ACOT7: variants seen among roughly 807,000 people sequenced by gnomAD.
ACOT7 encodes cytosolic acyl coenzyme A thioester hydrolase.
A neutral mutation model predicts 40.2 loss-of-function variants in ACOT7; 12 were observed. That is an observed-to-expected ratio of 0.30 (90% CI 0.19 to 0.48). ACOT7 has a LOEUF of 0.48. Among genes scored for constraint, ACOT7 ranks in the 20% least tolerant of loss-of-function variants. ACOT7 has a pLI of 0.99. For missense variants in ACOT7, 395 were observed against 530.8 expected (o/e 0.74, Z 2.51); for synonymous variants, 228 against 219.5 (o/e 1.04, Z -0.34).
intron 1 of ACOT7, chr1:6,385,764 G>A (rs1642428069): frequency 2.0e-6 from 3 of 1,477,044 alleles, no homozygotes; most frequent in African/African-American, 1.4e-5. Context: ...GTGAGCCGGT[G>A]TGATCCCTCC....
At chr1:6,357,461 A>G (rs1361830359) in intron 1 of ACOT7, among the ~76,000 whole-genome samples, 1 of 152,196 alleles carries the variant, frequency 6.6e-6, no homozygotes, top group Non-Finnish European at 1.5e-5. Flanking sequence ...GCCTCAAACC[A>G]GAGGTCAAGC....
chr1:6,377,847 G>A (rs1410948338), intron 1 of ACOT7, among the ~76,000 whole-genome samples: 1 of 152,168 alleles, frequency 6.6e-6, no homozygotes, highest in East Asian at 1.9e-4. Flanking sequence ...TAGGCGGACG[G>A]ATCACAAGGT....
Position 6,359,014 on chromosome 1 carries a change from GC to G in ACOT7, c.144-9149del. 3 of 1,161,998 alleles carry G rather than the reference GC, an allele frequency of 2.6e-6. No homozygotes were observed. Among genetic ancestry groups the G allele is most frequent in the Non-Finnish European group, 3.5e-6 (3 of 856,410 alleles). The allele number at this position is 1,161,998 out of a possible 1,614,324, so 72.0% of individuals were successfully genotyped here. On this transcript the variant is annotated intron_variant, in intron 1 of 8. Transcript: ENST00000361521. This position sits in a 1 kb window ranked among gnomAD's most constrained non-coding sequence, Gnocchi z 4.1. ...AGCTGCCCAATCTGGCCAGGAAGAG[GC>G]TGCCTCGCCAATCCAGAGCGTCTAC...
At chr1:6,362,991 T>C (rs1641923356) in intron 1 of ACOT7, among the ~76,000 whole-genome samples, 1 of 152,100 alleles carries the variant, frequency 6.6e-6, no homozygotes, top group African/African-American at 2.4e-5. Flanking sequence ...TCCAGTATAA[T>C]AAAATATATA....
chr1:6,385,828 G>GC lies in ACOT7; in HGVS notation c.143+7428dup, dbSNP rs918631829. Reference sequence around the variant, plus strand: ...TCCTAGGACCGCCCCTCCCCCACCAGCCCCCGGCAAGCCGCCTCCTCGGCT... The same window carrying GC: ...TCCTAGGACCGCCCCTCCCCCACCAGCCCCCCGGCAAGCCGCCTCCTCGGCT... On this transcript the variant is annotated intron_variant, in intron 1 of 8. Transcript: ENST00000361521. 4.3e-5 allele frequency: 60 copies of GC among 1,382,696 alleles called. No individual in the cohort carries two copies. In the African/African-American group the frequency reaches 1.1e-3, roughly 25 times the overall value. The allele number at this position is 1,382,696 out of a possible 1,614,324, so 85.7% of individuals were successfully genotyped here.
chr1:6,328,850 T>A (rs1640878194), intron 4 of ACOT7, among the ~76,000 whole-genome samples: 1 of 150,594 alleles, frequency 6.6e-6, no homozygotes, highest in Non-Finnish European at 1.5e-5. Flanking sequence ...GATGGGACCC[T>A]CGGAGGGGCC....
At chr1:6,363,327 C>T (rs1215415668) in intron 1 of ACOT7, among the ~76,000 whole-genome samples, 3 of 152,126 alleles carry the variant, frequency 2.0e-5, no homozygotes, top group African/African-American at 7.2e-5. Flanking sequence ...CAAAGAAAAA[C>T]ACCCGCCACT....
intron 4 of ACOT7, among the ~76,000 whole-genome samples, chr1:6,329,397 G>A (rs1640894288): frequency 6.6e-6 from 1 of 152,192 alleles, no homozygotes; most frequent in Admixed American, 6.5e-5. Context: ...CACCGGCCAA[G>A]TAACGACTGT....
chr1:6,314,543 C>T (rs1388828392), intron 6 of ACOT7, among the ~76,000 whole-genome samples: 1 of 151,778 alleles, frequency 6.6e-6, no homozygotes, highest in African/African-American at 2.4e-5. Context: ...AGGTCTGGAC[C>T]CCCACAGGTA....
chr1:6,367,025 C>G (rs1642026834), intron 1 of ACOT7, among the ~76,000 whole-genome samples: 1 of 151,904 alleles, frequency 6.6e-6, no homozygotes, highest in African/African-American at 2.4e-5. Flanking sequence ...GGTGAAACCC[C>G]TTCTCTACTA....
chr1:6,372,089 G>A (rs981010992), intron 1 of ACOT7, among the ~76,000 whole-genome samples: 8 of 150,742 alleles, frequency 5.3e-5, no homozygotes, highest in African/African-American at 1.7e-4. Context: ...CACCCTCACC[G>A]GTGATCTCAG....
chr1:6,333,579 G>T lies in ACOT7; in HGVS notation c.419-11C>A. 1 of 1,613,914 alleles carries T rather than the reference G, an allele frequency of 6.2e-7. No homozygotes were observed. The highest frequency in any genetic ancestry group is 8.5e-7 in the Non-Finnish European group (1 of 1,179,772). On this transcript the variant is annotated splice_polypyrimidine_tract_variant and intron_variant, in intron 3 of 8. Transcript: ENST00000361521. The stretch of plus-strand genomic sequence containing the variant: ...TCAGCTTTTTGGCACCTTAAGAGAA[G>T]AAAATCACATTAAGTGACGCCCGGG...
At position 6,282,590 on chromosome 1, in the gene ACOT7, G is replaced by A. The variant is rs1167146720; in HGVS notation, c.830-1304C>T. 1 of 596,242 alleles carries A rather than the reference G, an allele frequency of 1.7e-6. No homozygotes were observed. The highest frequency in any genetic ancestry group is 2.7e-6 in the Non-Finnish European group (1 of 364,406). The allele number at this position is 596,242 out of a possible 1,614,324, so 36.9% of individuals were successfully genotyped here. A position where few individuals can be genotyped will look rare whatever the true frequency, so the allele number is the denominator to read the frequency against. On this transcript the variant is annotated intron_variant, in intron 7 of 8. Transcript: ENST00000361521. The surrounding 1 kb of genome is among the most constrained non-coding windows in gnomAD (Gnocchi z 4.5). ...GCACCGAGACCAGCCTCACAAGGCA[G>A]GTTTAGAGACCCAGAGTGAGAAAGC... is the stretch of plus-strand genomic sequence containing the variant.
chr1:6,356,645 G>A (rs560332445), intron 1 of ACOT7, among the ~76,000 whole-genome samples: 115 of 152,300 alleles, frequency 7.6e-4, no homozygotes, highest in Non-Finnish European at 1.1e-3. Flanking sequence ...CTGGCCAAGC[G>A]CAGTGGCTCA....
chr1:6,334,670 A>G (rs1022077278), intron 3 of ACOT7, among the ~76,000 whole-genome samples: 5 of 152,216 alleles, frequency 3.3e-5, no homozygotes, highest in African/African-American at 1.2e-4. Flanking sequence ...CACAGAGCAA[A>G]GTGGGGCTGC....
At chr1:6,308,758 T>G (rs1444478245) in intron 6 of ACOT7, among the ~76,000 whole-genome samples, 2 of 149,044 alleles carry the variant, frequency 1.3e-5, no homozygotes, top group Admixed American at 6.7e-5. Context: ...TGGAGAGAAC[T>G]GCAACCACGT....
At chr1:6,313,210 C>T in intron 6 of ACOT7, among the ~76,000 whole-genome samples, 1 of 152,308 alleles carries the variant, frequency 6.6e-6, no homozygotes, top group South Asian at 2.1e-4. Flanking sequence ...AAACTGCAAA[C>T]TACGTGATTT....
chr1:6,382,537 C>T (rs545602537), intron 1 of ACOT7, among the ~76,000 whole-genome samples: 12 of 151,988 alleles, frequency 7.9e-5, no homozygotes, highest in African/African-American at 2.4e-4. Context: ...GGTAGCCAGG[C>T]GCTGTGACTC....
At chr1:6,370,757 T>C (rs1642118143) in intron 1 of ACOT7, among the ~76,000 whole-genome samples, 1 of 151,386 alleles carries the variant, frequency 6.6e-6, no homozygotes, top group Non-Finnish European at 1.5e-5. Context: ...CCTCCCACAG[T>C]GCTGGGATTA....
Sources: gnomAD v4.1 joint callset for allele counts (sites outside exome capture counted in the v4.1 genomes callset) on GRCh38, gnomAD v4.1.1 for gene constraint, Gnocchi (gnomAD v3.1) non-coding constraint, MANE v1.5 for transcripts, NCBI Gene and HGNC (gene_info 2026-07-23, HGNC 2026-07-21) for gene names.